The following NAT9 variants were observed in gnomAD, a reference collection of about 807,000 sequenced individuals.
NAT9 encodes the protein N-acetyltransferase 9, also known as alpha/beta-tubulin-N-acetyltransferase 9.
Under a neutral mutation model 24.0 loss-of-function variants are expected in NAT9, and 18 were observed. The ratio of observed to expected loss-of-function variants is 0.75; its 90% confidence interval spans 0.52 to 1.11. The LOEUF is 1.11. Among genes scored for constraint, NAT9 ranks in the 50% most tolerant of loss-of-function variants. The probability of loss-of-function intolerance (pLI) is 0.00; values close to 1 mark genes in which losing one functional copy is unlikely to be tolerated. For missense variants in NAT9, 254 were observed against 258.6 expected, an observed-to-expected ratio of 0.98 and a Z score of 0.12; for synonymous variants, 104 against 102.3, an observed-to-expected ratio of 1.02 and a Z score of -0.10.
Position 74,771,532 on chromosome 17 carries a change from G to T in NAT9, c.*192C>A. 1.2e-6 allele frequency: 1 copy of T among 868,970 alleles called. No individual in the cohort carries two copies. The highest frequency in any genetic ancestry group is 1.7e-6 in the Non-Finnish European group (1 of 582,578). 53.8% of individuals were successfully genotyped at this position (868,970 alleles called of 1,614,324 possible). A position where few individuals can be genotyped will look rare whatever the true frequency, so the allele number is the denominator to read the frequency against. On this transcript the variant is annotated 3_prime_UTR_variant, in exon 7 of 7. Transcript: ENST00000357814. The stretch of plus-strand genomic sequence containing the variant: ...GGGAGGGGAGAAGGGAACTGGCCCT[G>T]GCCCTGGAGTCTGCTCAGCCACACC...
intron 2 of NAT9, 88 bp from the exon 3 acceptor site, chr17:74,773,776 T>A: frequency 8.8e-7 from 1 of 1,133,340 alleles, no homozygotes; most frequent in Non-Finnish European, 1.3e-6. Flanking sequence ...CAGACAGGGC[T>A]AACATAGGGC....
At position 74,776,307 on chromosome 17, in the gene NAT9, A is replaced by G. The variant is rs1325870962; in HGVS notation, c.-50T>C. 1 of 152,112 alleles carries G rather than the reference A, an allele frequency of 6.6e-6. No homozygotes were observed. Among genetic ancestry groups the G allele is most frequent in the Non-Finnish European group, 1.5e-5 (1 of 68,184 alleles). The allele number at this position is 152,112 out of a possible 1,614,324, so 9.4% of individuals were successfully genotyped here. A position where few individuals can be genotyped will look rare whatever the true frequency, so the allele number is the denominator to read the frequency against. On this transcript the variant is annotated 5_prime_UTR_variant, in exon 1 of 7. Coordinates refer to ENST00000357814, the MANE Select transcript of NAT9 (RefSeq NM_015654.5). Reference sequence around the variant, plus strand: ...TCGTCCCCCGCAGAAAGGGTGATCTACCTCCTCCAACCAGCCACGTTCCCA... The same window carrying G: ...TCGTCCCCCGCAGAAAGGGTGATCTGCCTCCTCCAACCAGCCACGTTCCCA...
chr17:74,775,550 C>T (rs779625887), intron 2 of NAT9, 72 bp downstream of exon 2: 139 of 1,254,926 alleles, frequency 1.1e-4, no homozygotes, highest in Non-Finnish European at 1.5e-4. Context: ...GGGGAAATAG[C>T]CCTGAGACTG....
Position 74,771,627 on chromosome 17 carries a change from G to A in NAT9, c.*97C>T. 2 of 1,544,354 alleles carry A rather than the reference G, an allele frequency of 1.3e-6. No individual in the cohort carries two copies. Among genetic ancestry groups the A allele is most frequent in the Non-Finnish European group, 1.7e-6 (2 of 1,142,866 alleles). Reference sequence around the variant, plus strand: ...GGCCTCGAAAGGTGATTCCCAGCCTGGGCCAGGAGCACTCTCCCAGTGCAG... The same window carrying A: ...GGCCTCGAAAGGTGATTCCCAGCCTAGGCCAGGAGCACTCTCCCAGTGCAG... On this transcript the variant is annotated 3_prime_UTR_variant, in exon 7 of 7. Coordinates refer to ENST00000357814, the MANE Select transcript of NAT9 (RefSeq NM_015654.5).
At chr17:74,772,564 G>A in intron 4 of NAT9, 1 of 1,403,408 alleles carries the variant, frequency 7.1e-7, no homozygotes, top group Non-Finnish European at 9.2e-7. Context: ...AGCAGAAACA[G>A]GAGGGCCTCC....
Position 74,771,520 on chromosome 17 carries a change from G to T in NAT9, c.*204C>A. On this transcript the variant is annotated 3_prime_UTR_variant, in exon 7 of 7. Coordinates refer to ENST00000357814, the MANE Select transcript of NAT9 (RefSeq NM_015654.5). ...CTGGGTTTGGCCGGGAGGGGAGAAGGGAACTGGCCCTGGCCCTGGAGTCTG... is the reference window on the plus strand; with the variant it reads ...CTGGGTTTGGCCGGGAGGGGAGAAGTGAACTGGCCCTGGCCCTGGAGTCTG... 1 of 773,894 alleles carries T rather than the reference G, an allele frequency of 1.3e-6. No homozygotes were observed. Among genetic ancestry groups the T allele is most frequent in the Non-Finnish European group, 2.0e-6 (1 of 498,568 alleles). 47.9% of individuals were successfully genotyped at this position (773,894 alleles called of 1,614,324 possible). A position where few individuals can be genotyped will look rare whatever the true frequency, so the allele number is the denominator to read the frequency against.
At position 74,771,718 on chromosome 17, in the gene NAT9, C is replaced by T; in HGVS notation, c.*6G>A. On this transcript the variant is annotated 3_prime_UTR_variant, in exon 7 of 7. Transcript: ENST00000357814. Reference sequence around the variant, plus strand: ...ACACAGAGTGGCTGCCCACAAGGCCCAGCCATCAGCAGGGCTCTGCCGACC... The same window carrying T: ...ACACAGAGTGGCTGCCCACAAGGCCTAGCCATCAGCAGGGCTCTGCCGACC... The T allele has an allele frequency of 6.2e-7, 1 of 1,613,434 alleles. No individual in the cohort carries two copies. The highest frequency in any genetic ancestry group is 1.1e-5 in the South Asian group (1 of 91,086).
At chr17:74,775,189 T>C (rs759362018) in intron 2 of NAT9, among the ~76,000 whole-genome samples, 1 of 150,052 alleles carries the variant, frequency 6.7e-6, no homozygotes, top group Non-Finnish European at 1.5e-5. Flanking sequence ...GTTTTTTTGT[T>C]TTTTTTGTTT....
chr17:74,772,451 C>T (rs1340308892), intron 4 of NAT9, 174 bp from the exon 5 acceptor site: 2 of 1,426,894 alleles, frequency 1.4e-6, no homozygotes, highest in Non-Finnish European at 1.8e-6. Context: ...GCTTGCAACC[C>T]AGCAACCTGA....
In NAT9 at chr17:74,771,512, G is replaced by A; in HGVS notation, c.*212C>T. 1 of 719,654 alleles carries A rather than the reference G, an allele frequency of 1.4e-6. No homozygotes were observed. The highest frequency in any genetic ancestry group is 2.2e-6 in the Non-Finnish European group (1 of 449,564). 44.6% of individuals were successfully genotyped at this position (719,654 alleles called of 1,614,324 possible). A position where few individuals can be genotyped will look rare whatever the true frequency, so the allele number is the denominator to read the frequency against. ...GTCTGGGTCTGGGTTTGGCCGGGAG[G>A]GGAGAAGGGAACTGGCCCTGGCCCT... On this transcript the variant is annotated 3_prime_UTR_variant, in exon 7 of 7. Transcript: ENST00000357814.
intron 2 of NAT9, 179 bp from the exon 3 acceptor site, chr17:74,773,867 C>T (rs1454160629): frequency 1.7e-6 from 1 of 576,928 alleles, no homozygotes; most frequent in Non-Finnish European, 3.2e-6. Context: ...TAGTCTTACA[C>T]AAGAACAGCA....
At position 74,776,289 on chromosome 17, in the gene NAT9, C is replaced by G. The variant is rs1309866287; in HGVS notation, c.-32G>C. On this transcript the variant is annotated 5_prime_UTR_variant, in exon 1 of 7. Coordinates refer to ENST00000357814, the MANE Select transcript of NAT9 (RefSeq NM_015654.5). Reference sequence around the variant, plus strand: ...CACCTACCACCGACGAAATCGTCCCCCGCAGAAAGGGTGATCTACCTCCTC... The same window carrying G: ...CACCTACCACCGACGAAATCGTCCCGCGCAGAAAGGGTGATCTACCTCCTC... The G allele has an allele frequency of 6.6e-6, 1 of 152,670 alleles. No individual in the cohort carries two copies. The highest frequency in any genetic ancestry group is 1.5e-5 in the Non-Finnish European group (1 of 68,382). 9.5% of individuals were successfully genotyped at this position (152,670 alleles called of 1,614,324 possible).
At position 74,772,621 on chromosome 17, in the gene NAT9, C is replaced by G. The variant is rs139024434; in HGVS notation, c.334+275G>C. ...TCCAGAGACCTTTTTCTGAGGGTCC[C>G]CAGCCCACCCCAACTATGGGACTAA... On this transcript the variant is annotated intron_variant, in intron 4 of 6. Coordinates refer to ENST00000357814, the MANE Select transcript of NAT9 (RefSeq NM_015654.5). 13 of 1,341,902 alleles carry G rather than the reference C, an allele frequency of 9.7e-6. No individual in the cohort carries two copies. The African/African-American group carries it at 1.8e-4, about 18-fold the overall frequency. 83.1% of individuals were successfully genotyped at this position (1,341,902 alleles called of 1,614,324 possible). A position where few individuals can be genotyped will look rare whatever the true frequency, so the allele number is the denominator to read the frequency against.
chr17:74,775,391 G>A (rs915657701), intron 2 of NAT9: 3 of 425,862 alleles, frequency 7.0e-6, no homozygotes, highest in Non-Finnish European at 1.3e-5. Context: ...GTCTCGCTAC[G>A]TTACCCAAGC....
chr17:74,772,303 T>C (rs2035331083), intron 4 of NAT9, 26 bp from the exon 5 acceptor site: 1 of 1,612,452 alleles, frequency 6.2e-7, no homozygotes, highest in Non-Finnish European at 8.5e-7. Flanking sequence ...GGAGCGGCGC[T>C]GACGCCGTGT....
At chr17:74,775,805 C>G (rs2035976814) in intron 1 of NAT9, 98 bp from the exon 2 acceptor site, 6 of 877,626 alleles carry the variant, frequency 6.8e-6, no homozygotes, top group Non-Finnish European at 1.1e-5. Context: ...AGTTGACTTC[C>G]GTCATTAGTT....
intron 1 of NAT9, chr17:74,775,959 TC>T: frequency 2.4e-6 from 1 of 417,606 alleles, no homozygotes; most frequent in Admixed American, 3.9e-5. Context: ...TTCCGTCCAC[TC>T]CCCAGAACTT....
chr17:74,773,676 C>G lies in NAT9; in HGVS notation c.90G>C (p.Glu30Asp). 6.2e-7 allele frequency: 1 copy of G among 1,614,126 alleles called. No individual in the cohort carries two copies. The highest frequency in any genetic ancestry group is 8.5e-7 in the Non-Finnish European group (1 of 1,180,000). ...GCTGCAGCTCCTCTGATTTCATCCACTCGTGGTACCTGCTGGGACAGAGGG... is the reference window on the plus strand; with the variant it reads ...GCTGCAGCTCCTCTGATTTCATCCAGTCGTGGTACCTGCTGGGACAGAGGG... The part of the protein sequence containing the change: ...TSEHVPSRYH[E>D]WMKSEELQRL... The change falls in exon 3 of 7, where the codon GAG becomes GAC. Residue 30 changes from glutamate (E) to aspartate (D), a missense_variant. Transcript: ENST00000357814.
In NAT9 at chr17:74,770,705, AG is replaced by A. The variant is rs2035116294; in HGVS notation, c.*1018del. On this transcript the variant is annotated 3_prime_UTR_variant, in exon 7 of 7. Transcript: ENST00000357814. ...TTCCCCACCTGGAAGATGCCCTACAAGCCTCCTGTGGCTGTGTTTAGAAAGC... is the reference window on the plus strand; with the variant it reads ...TTCCCCACCTGGAAGATGCCCTACAACCTCCTGTGGCTGTGTTTAGAAAGC... 6.6e-6 allele frequency: 1 copy of A among 152,194 alleles called. No individual in the cohort carries two copies. The highest frequency in any genetic ancestry group is 2.1e-4 in the South Asian group (1 of 4,830). 9.4% of individuals were successfully genotyped at this position (152,194 alleles called of 1,614,324 possible).
Sources: gnomAD v4.1 joint callset for allele counts (sites outside exome capture counted in the v4.1 genomes callset) on GRCh38, gnomAD v4.1.1 for gene constraint, MANE v1.5 for transcripts, NCBI Gene and HGNC (gene_info 2026-07-23, HGNC 2026-07-21) for gene names.